Variants in TTC39C observed in about 807,000 individuals in gnomAD.
TTC39C encodes tetratricopeptide repeat domain 39C, also known as tetratricopeptide repeat protein 39C.
Under a neutral mutation model 76.3 loss-of-function variants are expected in TTC39C, and 33 were observed. The ratio of observed to expected loss-of-function variants is 0.43; its 90% CI spans 0.33 to 0.58. TTC39C has a LOEUF of 0.58. Among genes scored for constraint, TTC39C ranks in the 20% least tolerant of loss-of-function variants. The pLI is 0.04. For missense variants in TTC39C, 595 were observed against 701.4 expected, an observed-to-expected ratio of 0.85 and a Z score of 1.71; for synonymous variants, 254 against 260.6, an observed-to-expected ratio of 0.97 and a Z score of 0.24.
chr18:24,072,997 T>G (rs2084260083), intron 4 of TTC39C, among the ~76,000 whole-genome samples: 1 of 152,154 alleles, frequency 6.6e-6, no homozygotes, highest in Admixed American at 6.5e-5. Flanking sequence ...AGCCATGGTT[T>G]TCTCATTTTC....
intron 7 of TTC39C, among the ~76,000 whole-genome samples, chr18:24,117,032 G>T (rs959409922): frequency 2.6e-5 from 4 of 151,636 alleles, no homozygotes; most frequent in Non-Finnish European, 5.9e-5. Context: ...TGCCTAAGCT[G>T]GTCTGGATCT....
In TTC39C at chr18:24,132,481, A is replaced by C; in HGVS notation, c.1663-4A>C. 4 of 1,613,686 alleles carry C rather than the reference A, an allele frequency of 2.5e-6. No individual in the cohort carries two copies. Among genetic ancestry groups the C allele is most frequent in the Non-Finnish European group, 3.4e-6 (4 of 1,179,730 alleles). ...TGCATAAATATCTTTCTTTGATCTT[A>C]CAGGAGGATTTCTCTGGCTACGACT... On this transcript the variant is annotated splice_region_variant and splice_polypyrimidine_tract_variant and intron_variant, in intron 13 of 13. Coordinates refer to ENST00000317571, the MANE Select transcript of TTC39C (RefSeq NM_001135993.2).
intron 6 of TTC39C, among the ~76,000 whole-genome samples, chr18:24,095,680 CAA>C (rs1343118190): frequency 6.6e-6 from 1 of 152,142 alleles, no homozygotes; most frequent in South Asian, 2.1e-4. Flanking sequence ...GCCTGGGCGA[CAA>C]GAGTGAAACT....
rs573366683 is a variant in TTC39C at position 24,134,525 on chromosome 18, T to G, written c.*1951T>G. On this transcript the variant is annotated 3_prime_UTR_variant, in exon 14 of 14. Transcript: ENST00000317571. ...CTCCTGACCTCGTGATCCACCCGCC[T>G]TGGCCTCCCAAAGAGCTGGGATTAC... is the stretch of plus-strand genomic sequence containing the variant. 6.2e-4 allele frequency: 95 copies of G among 152,304 alleles called. No individual in the cohort carries two copies. The highest frequency in any genetic ancestry group is 2.2e-3 in the African/African-American group (91 of 41,546). The allele number at this position is 152,304 out of a possible 1,614,324, so 9.4% of individuals were successfully genotyped here.
intron 8 of TTC39C, among the ~76,000 whole-genome samples, chr18:24,121,227 T>G (rs1599346313): frequency 6.6e-6 from 1 of 152,334 alleles, no homozygotes; most frequent in East Asian, 1.9e-4. Flanking sequence ...TTAGGCCTCA[T>G]ATTTTAGGAT....
intron 6 of TTC39C, chr18:24,114,038 C>T (rs11874765): frequency 0.036 from 10,556 of 291,788 alleles, 583 homozygotes; most frequent in East Asian, 0.22. Context: ...GCTAATGGAG[C>T]GGCTTCGTGC....
chr18:24,024,031 T>TTG (rs2083565762), intron 1 of TTC39C, among the ~76,000 whole-genome samples: 1 of 100,448 alleles, frequency 1.0e-5, no homozygotes, highest in Non-Finnish European at 1.9e-5. Context: ...TTTTTTTTTT[T>TTG]GAGACGGAGT....
chr18:24,086,569 T>C (rs760195755), intron 6 of TTC39C, among the ~76,000 whole-genome samples: 1 of 152,230 alleles, frequency 6.6e-6, no homozygotes, highest in African/African-American at 2.4e-5. Flanking sequence ...GATGTTGCAG[T>C]GAGTGCTACA....
chr18:24,002,738 C>T (rs949692616), intron 1 of TTC39C, among the ~76,000 whole-genome samples: 14 of 152,158 alleles, frequency 9.2e-5, no homozygotes, highest in Non-Finnish European at 2.1e-4. Flanking sequence ...AAAGCAGAAT[C>T]GTGGTGTCAC....
intron 1 of TTC39C, among the ~76,000 whole-genome samples, chr18:24,060,230 A>G (rs993718089): frequency 1.1e-4 from 17 of 150,832 alleles, no homozygotes; most frequent in African/African-American, 2.9e-4. Flanking sequence ...CCTTGCCAGC[A>G]TCTGTTGTTT....
At position 24,007,529 on chromosome 18, in the gene TTC39C, G is replaced by A. The variant is rs1401693686; in HGVS notation, c.-17+14491G>A. On this transcript the variant is annotated intron_variant, in intron 1 of 13. Coordinates refer to the TTC39C transcript ENST00000304621. ...CTCCTGATAAACTGGGATTACAGAT[G>A]GGTGCCACCAGGCCTGGCTAGTTTT... Among the ~76,000 whole-genome samples, 8 of 152,186 alleles carry A rather than the reference G, an allele frequency of 5.3e-5. No homozygotes were observed. In the East Asian group the frequency reaches 1.5e-3, roughly 29 times the overall value.
chr18:24,037,938 A>G (rs1434201497), intron 1 of TTC39C, among the ~76,000 whole-genome samples: 1 of 152,206 alleles, frequency 6.6e-6, no homozygotes, highest in Non-Finnish European at 1.5e-5. Flanking sequence ...GTTTCTTCAG[A>G]GACTTCCCTG....
chr18:24,025,823 C>G (rs953786), intron 1 of TTC39C, among the ~76,000 whole-genome samples: 83,524 of 152,068 alleles, frequency 0.55, 28,279 homozygotes, highest in Non-Finnish European at 0.78. Context: ...CAGGGTCTTT[C>G]TGCAGACAAA....
intron 1 of TTC39C, among the ~76,000 whole-genome samples, chr18:24,045,916 TATATATATATA>T (rs1291730591): frequency 4.6e-4 from 18 of 39,306 alleles, no homozygotes; most frequent in African/African-American, 1.8e-3. Flanking sequence ...TATATATATA[TATATATATATA>T]TTTTTTTTTT....
At chr18:24,018,886 T>C (rs2083487012) in intron 1 of TTC39C, among the ~76,000 whole-genome samples, 1 of 152,162 alleles carries the variant, frequency 6.6e-6, no homozygotes, top group African/African-American at 2.4e-5. Flanking sequence ...GCACTTATTT[T>C]CTTCCTACCA....
intron 10 of TTC39C, among the ~76,000 whole-genome samples, chr18:24,126,426 TAA>T (rs35976434): frequency 4.7e-3 from 517 of 110,040 alleles, no homozygotes; most frequent in African/African-American, 0.012. Context: ...CCTATTTCTT[TAA>T]AAAAAAAAAA....
At chr18:24,091,674 T>C (rs988548066) in intron 6 of TTC39C, among the ~76,000 whole-genome samples, 1 of 151,802 alleles carries the variant, frequency 6.6e-6, no homozygotes, top group Admixed American at 6.6e-5. Flanking sequence ...ATCAAGAAAG[T>C]GAAAAGACAA....
At chr18:24,038,118 G>A (rs905340675) in intron 1 of TTC39C, among the ~76,000 whole-genome samples, 69 of 152,102 alleles carry the variant, frequency 4.5e-4, no homozygotes, top group African/African-American at 1.6e-3. Flanking sequence ...GTTTAAAGTC[G>A]AGTCCTCTTT....
At chr18:24,063,347 A>T (rs1202852664) in intron 1 of TTC39C, among the ~76,000 whole-genome samples, 1 of 152,050 alleles carries the variant, frequency 6.6e-6, no homozygotes, top group African/African-American at 2.4e-5. Context: ...CAGTGAAGAG[A>T]CCCTTTGATC....
Sources: gnomAD v4.1 joint callset for allele counts (sites outside exome capture counted in the v4.1 genomes callset) on GRCh38, gnomAD v4.1.1 for gene constraint, MANE v1.5 for transcripts, NCBI Gene and HGNC (gene_info 2026-07-23, HGNC 2026-07-21) for gene names.